Variants in PCDHGA6 observed in about 807,000 individuals in gnomAD.
PCDHGA6 encodes protocadherin gamma subfamily A, 6.
Under a neutral mutation model 60.6 loss-of-function variants are expected in PCDHGA6, and 41 were observed. That is an observed-to-expected ratio of 0.68 (90% CI 0.53 to 0.88). The LOEUF (loss-of-function observed/expected upper bound fraction) is 0.88. PCDHGA6 is among the 40% of genes least tolerant of loss of function. The probability of loss-of-function intolerance (pLI) is 0.00; values close to 1 mark genes in which losing one functional copy is unlikely to be tolerated. For missense variants in PCDHGA6, 1,312 were observed against 1,203.0 expected (o/e 1.09, Z -1.34); for synonymous variants, 594 against 524.4 (o/e 1.13, Z -1.81).
At position 141,493,512 on chromosome 5, in the gene PCDHGA6, C is replaced by A. The variant is rs1327850681; in HGVS notation, c.2425-1295C>A. The stretch of plus-strand genomic sequence containing the variant: ...CTGTGGCTCCTCATTTCTGAGCAGT[C>A]CCCGCAGCGCAAACTTGGCCAGTTA... On this transcript the variant is annotated intron_variant, in intron 1 of 3. Transcript: ENST00000517434. The surrounding 1 kb of genome is among the most constrained non-coding windows in gnomAD (Gnocchi z 4.3). Among the ~76,000 whole-genome samples the A allele has an allele frequency of 1.3e-5, 2 of 152,148 alleles. No individual in the cohort carries two copies. Among genetic ancestry groups the A allele is most frequent in the South Asian group, 4.1e-4 (2 of 4,824 alleles).
At chr5:141,458,820 C>T (rs2098954225) in intron 1 of PCDHGA6, among the ~76,000 whole-genome samples, 1 of 152,070 alleles carries the variant, frequency 6.6e-6, no homozygotes, top group African/African-American at 2.4e-5. Flanking sequence ...GCAACCTCTG[C>T]CTCCCAGGCT....
rs779391932 is a variant in PCDHGA6, at chr5:141,419,996, C to T, written c.2424+43489C>T. Reference sequence around the variant, plus strand: ...CCTCGCGGTGATTCTAGCTATTGCTCTACGCCTGCGACAGTCTTTCAGCCC... The same window carrying T: ...CCTCGCGGTGATTCTAGCTATTGCTTTACGCCTGCGACAGTCTTTCAGCCC... On this transcript the variant is annotated intron_variant, in intron 1 of 3. Coordinates refer to ENST00000517434, the MANE Select transcript of PCDHGA6 (RefSeq NM_018919.3). 10 of 1,613,966 alleles carry T rather than the reference C, an allele frequency of 6.2e-6. No homozygotes were observed. In the East Asian group the frequency reaches 2.2e-4, roughly 36 times the overall value.
intron 1 of PCDHGA6, chr5:141,410,199 A>G: frequency 6.2e-7 from 1 of 1,613,998 alleles, no homozygotes; most frequent in South Asian, 1.1e-5. Flanking sequence ...GTCTTCGCAG[A>G]CAACTTGCAA....
intron 1 of PCDHGA6, among the ~76,000 whole-genome samples, chr5:141,454,796 ATTTTTTTTTTT>A (rs61612330): frequency 0.01 from 775 of 77,498 alleles, 10 homozygotes; most frequent in African/African-American, 0.043. Context: ...CATGGTTCTA[ATTTTTTTTTTT>A]TTTTTTTTTT....
At position 141,511,871 on chromosome 5, in the gene PCDHGA6, A is replaced by T. The variant is rs1306732557; in HGVS notation, c.*698A>T. On this transcript the variant is annotated 3_prime_UTR_variant, in exon 4 of 4. Coordinates refer to ENST00000517434, the MANE Select transcript of PCDHGA6 (RefSeq NM_018919.3). ...TTGTTTTTCATTGTTTGACGTTTCCACTGCATGCCTTGACTTCCCCCACCT... is the reference window on the plus strand; with the variant it reads ...TTGTTTTTCATTGTTTGACGTTTCCTCTGCATGCCTTGACTTCCCCCACCT... 1 of 156,376 alleles carries T rather than the reference A, an allele frequency of 6.4e-6. No homozygotes were observed. The highest frequency in any genetic ancestry group is 1.9e-4 in the East Asian group (1 of 5,268). 9.7% of individuals were successfully genotyped at this position (156,376 alleles called of 1,614,324 possible).
At chr5:141,414,137 T>C in intron 1 of PCDHGA6, 1 of 1,595,618 alleles carries the variant, frequency 6.3e-7, no homozygotes, top group South Asian at 1.1e-5. Context: ...TTCTATGAAA[T>C]AGAAATACAA....
In PCDHGA6 at chr5:141,487,678, C is replaced by T. The variant is rs1416406108; in HGVS notation, c.2425-7129C>T. ...ATTCTGATCCAGGCATATGGCTAGG[C>T]CATGTCCTAGAGAGTACTGGCCTCT... On this transcript the variant is annotated intron_variant, in intron 1 of 3. Transcript: ENST00000517434. The surrounding 1 kb of genome is among the most constrained non-coding windows in gnomAD (Gnocchi z 5.0). 6.2e-7 allele frequency: 1 copy of T among 1,609,696 alleles called. No individual in the cohort carries two copies. Among genetic ancestry groups the T allele is most frequent in the South Asian group, 1.1e-5 (1 of 90,230 alleles).
chr5:141,385,604 C>T, intron 1 of PCDHGA6: 1 of 1,188,174 alleles, frequency 8.4e-7, no homozygotes, highest in Non-Finnish European at 1.1e-6. Flanking sequence ...TTTCTTAACT[C>T]ATATATTTTA....
Position 141,375,368 on chromosome 5 carries a change from A to G in PCDHGA6, c.1285A>G (p.Thr429Ala), listed in dbSNP as rs774708513. The G allele has an allele frequency of 1.9e-6, 3 of 1,613,754 alleles. No homozygotes were observed. The highest frequency in any genetic ancestry group is 4.5e-5 in the East Asian group (2 of 44,898). The change falls in exon 1 of 4, where the codon ACA becomes GCA. Residue 429 changes from threonine to alanine, a missense_variant. By Grantham distance (58) the Thr-to-Ala change is moderately conservative. Coordinates refer to ENST00000517434, the MANE Select transcript of PCDHGA6 (RefSeq NM_018919.3). Reference protein sequence around the residue: ...NITVTATDKGTPPLSTETIIS... With the variant: ...NITVTATDKGAPPLSTETIIS... ...CACTGTGACAGCCACGGACAAAGGA[A>G]CACCACCTCTGTCTACAGAAACAAT...
Position 141,376,056 on chromosome 5 carries a change from T to C in PCDHGA6, c.1973T>C (p.Val658Ala), listed in dbSNP as rs768295127. 1.1e-5 allele frequency: 18 copies of C among 1,613,354 alleles called. No individual in the cohort carries two copies. In the South Asian group the frequency reaches 1.9e-4, roughly 17 times the overall value. ...DHGQPPLSATVTLTVAVADRI... is the reference protein window; with the variant it reads ...DHGQPPLSATATLTVAVADRI... ...GGCCAGCCCCCTCTCTCCGCCACTG[T>C]CACGCTCACCGTGGCCGTGGCCGAC... Residue 658 changes from valine to alanine, a missense_variant, in exon 1 of 4, where the codon GTC (valine) becomes GCC (alanine). Val to Ala is a moderately conservative substitution (Grantham distance 64). Coordinates refer to ENST00000517434, the MANE Select transcript of PCDHGA6 (RefSeq NM_018919.3).
Position 141,481,770 on chromosome 5 carries a change from G to T in PCDHGA6, c.2425-13037G>T, listed in dbSNP as rs188953511. 6.1e-3 allele frequency among the ~76,000 whole-genome samples: 929 copies of T among 152,184 alleles called. 10 individuals are homozygous for T. Among genetic ancestry groups the T allele is most frequent in the African/African-American group, 0.022 (895 of 41,516 alleles). On this transcript the variant is annotated intron_variant, in intron 1 of 3. Coordinates refer to ENST00000517434, the MANE Select transcript of PCDHGA6 (RefSeq NM_018919.3). ...AGTCCAAGACCAGCCTGGCCAACAT[G>T]GTGAAACCCCGTCTCTACTAAAAAT... is the stretch of plus-strand genomic sequence containing the variant.
intron 1 of PCDHGA6, chr5:141,422,813 TAGAACTG>T: frequency 6.2e-7 from 1 of 1,614,192 alleles, no homozygotes; most frequent in Non-Finnish European, 8.5e-7. Flanking sequence ...TTTCGAGACT[TAGAACTG>T]AGAGTGATAG....
intron 1 of PCDHGA6, chr5:141,423,138 C>G (rs767107885): frequency 1.2e-6 from 2 of 1,613,606 alleles, no homozygotes; most frequent in Non-Finnish European, 1.7e-6. Flanking sequence ...TGGACAGAGA[C>G]GCGCTCAAGC....
chr5:141,439,416 G>T (rs1169961917), intron 1 of PCDHGA6, among the ~76,000 whole-genome samples: 3 of 152,156 alleles, frequency 2.0e-5, no homozygotes, highest in African/African-American at 7.2e-5. Flanking sequence ...CATCACTGAG[G>T]TTATAAATTC....
chr5:141,499,881 T>A (rs2099795027), intron 2 of PCDHGA6, among the ~76,000 whole-genome samples: 1 of 152,082 alleles, frequency 6.6e-6, no homozygotes, highest in African/African-American at 2.4e-5. Flanking sequence ...ACAAACAGGG[T>A]TTCGCCATGT....
chr5:141,394,136 C>A, intron 1 of PCDHGA6: 3 of 1,613,956 alleles, frequency 1.9e-6, no homozygotes, highest in Non-Finnish European at 2.5e-6. Flanking sequence ...TCGCTCTGCA[C>A]GTGGCAGACA....
At chr5:141,385,503 C>A in intron 1 of PCDHGA6, 1 of 1,379,554 alleles carries the variant, frequency 7.2e-7, no homozygotes, top group Non-Finnish European at 9.4e-7. Context: ...TATAGTATTT[C>A]TTTAGTGAAA....
At chr5:141,399,632 C>A in intron 1 of PCDHGA6, 2 of 1,613,894 alleles carry the variant, frequency 1.2e-6, no homozygotes, top group Non-Finnish European at 1.7e-6. Context: ...TCTTACGTGT[C>A]CATGAGCGCG....
chr5:141,397,284 C>G (rs185201660), intron 1 of PCDHGA6, among the ~76,000 whole-genome samples: 47 of 152,188 alleles, frequency 3.1e-4, no homozygotes, highest in African/African-American at 1.1e-3. Context: ...GGGCAGTATA[C>G]TTGAATGAAT....
Sources: gnomAD v4.1 joint callset for allele counts (sites outside exome capture counted in the v4.1 genomes callset) on GRCh38, gnomAD v4.1.1 for gene constraint, Gnocchi (gnomAD v3.1) non-coding constraint, MANE v1.5 for transcripts, NCBI Gene and HGNC (gene_info 2026-07-23, HGNC 2026-07-21) for gene names.